The following SLC38A7 variants were observed in gnomAD, a reference collection of about 807,000 sequenced individuals.
The protein encoded by SLC38A7 is sodium-coupled neutral amino acid transporter 7.
A neutral mutation model predicts 50.1 loss-of-function variants in SLC38A7; 29 were observed. The ratio of observed to expected loss-of-function variants is 0.58; its 90% CI spans 0.43 to 0.79. The LOEUF (loss-of-function observed/expected upper bound fraction) is 0.79. Among genes scored for constraint, SLC38A7 ranks in the 30% least tolerant of loss-of-function variants. The pLI is 0.00. For missense variants in SLC38A7, 483 were observed against 610.6 expected, an observed-to-expected ratio of 0.79 and a Z score of 2.20; for synonymous variants, 244 against 245.9, an observed-to-expected ratio of 0.99 and a Z score of 0.07.
chr16:58,679,965 A>G lies in SLC38A7; in HGVS notation c.162T>C (p.Leu54=). ...CGTTGACGACGATGAAGATGGCCCC[A>G]AGTGTGGAAGTGGTGCCTCTGTCCA... ...GGLDRGTTST[L]GAIFIVVNAC... The change falls in exon 3 of 12, where the codon CTT becomes CTC. Residue 54 remains leucine (L), a synonymous_variant. Transcript: ENST00000219320. 1 of 1,612,002 alleles carries G rather than the reference A, an allele frequency of 6.2e-7. No individual in the cohort carries two copies. Among genetic ancestry groups the G allele is most frequent in the Non-Finnish European group, 8.5e-7 (1 of 1,178,788 alleles).
intron 3 of SLC38A7, among the ~76,000 whole-genome samples, chr16:58,679,120 G>A (rs989845410): frequency 1.3e-5 from 2 of 152,304 alleles, no homozygotes; most frequent in South Asian, 2.1e-4. Flanking sequence ...GGCTGGATGC[G>A]ATGGCTCATG....
intron 2 of SLC38A7, chr16:58,683,528 C>G (rs1391708250): frequency 1.3e-5 from 2 of 152,282 alleles, no homozygotes; most frequent in African/African-American, 4.8e-5. Context: ...TCTTACACAT[C>G]CTGTCACCCA....
Position 58,670,580 on chromosome 16 carries a change from C to T in SLC38A7, c.1232-413G>A, listed in dbSNP as rs1440255229. On this transcript the variant is annotated intron_variant, in intron 10 of 11. Transcript: ENST00000219320. ...TGGCTGGGCAGACAGGACAGTTCTC[C>T]AGGGATCTGGCGGTAGATCTGTGTC... Among the ~76,000 whole-genome samples, 3 of 152,322 alleles carry T rather than the reference C, an allele frequency of 2.0e-5. No individual in the cohort carries two copies. The East Asian group carries it at 5.8e-4, about 29-fold the overall frequency.
At chr16:58,680,611 G>A (rs1178602583) in intron 2 of SLC38A7, among the ~76,000 whole-genome samples, 1 of 152,204 alleles carries the variant, frequency 6.6e-6, no homozygotes, top group African/African-American at 2.4e-5. Flanking sequence ...CTGACCCAGG[G>A]TCATATATTA....
chr16:58,667,578 T>A, intron 11 of SLC38A7, 91 bp from the exon 12 acceptor site: 1 of 987,308 alleles, frequency 1.0e-6, no homozygotes, highest in Non-Finnish European at 1.5e-6. Context: ...ACTGTAATTA[T>A]CGCACTTCTC....
Position 58,679,867 on chromosome 16 carries a change from G to A in SLC38A7, c.260C>T (p.Ala87Val), listed in dbSNP as rs761503670. The A allele has an allele frequency of 2.9e-5, 47 of 1,613,692 alleles. No homozygotes were observed. Among genetic ancestry groups the A allele is most frequent in the Non-Finnish European group, 3.8e-5 (45 of 1,180,022 alleles). The change falls in exon 3 of 12, where the codon GCA (alanine) becomes GTA (valine). Residue 87 changes from alanine to valine, a missense_variant. Physicochemically the swap from Ala to Val is moderately conservative, Grantham distance 64. Transcript: ENST00000219320. ...STAGGVAAGIALQMGMLVFII... is the reference protein window; with the variant it reads ...STAGGVAAGIVLQMGMLVFII... ...GGCCAGTGCACTCACCATCTGCAGT[G>A]CGATGCCTGCTGCCACGCCCCCCGC...
chr16:58,667,721 C>T (rs973327893), intron 11 of SLC38A7, among the ~76,000 whole-genome samples: 3 of 151,872 alleles, frequency 2.0e-5, no homozygotes, highest in African/African-American at 7.3e-5. Context: ...CATCATGCCA[C>T]GATTCGAATG....
chr16:58,681,039 A>T (rs8058151), intron 2 of SLC38A7, among the ~76,000 whole-genome samples: 14,448 of 152,154 alleles, frequency 0.095, 762 homozygotes, highest in Non-Finnish European at 0.12. Flanking sequence ...CTAGCATCTC[A>T]CTGGCCACTA....
intron 8 of SLC38A7, chr16:58,675,346 GA>G (rs58028000): frequency 0.13 from 41,278 of 319,188 alleles, 226 homozygotes; most frequent in South Asian, 0.17. Context: ...GTCTCTGCTA[GA>G]AAAAAAAAAA....
rs150914558 is a variant in SLC38A7, at chr16:58,678,721, G to T, written c.444C>A (p.Ile148=). The change falls in exon 4 of 12, where the codon ATC becomes ATA. Residue 148 remains isoleucine (I), a synonymous_variant. Coordinates refer to ENST00000219320, the MANE Select transcript of SLC38A7 (RefSeq NM_018231.3). This position sits in a 1 kb window ranked among gnomAD's most constrained non-coding sequence, Gnocchi z 4.0. ...TCTTGTCCTGCTGGTCGCCAATGAT[G>T]ATTAGGAAGGCAATGCAGGTGCCAA... ...YTFGTCIAFL[I]IIGDQQDKII... The T allele has an allele frequency of 2.5e-6, 4 of 1,613,992 alleles. No individual in the cohort carries two copies. The African/African-American group carries it at 5.3e-5, about 22-fold the overall frequency.
At chr16:58,669,974 C>CAAAAA in intron 11 of SLC38A7, 139 bp downstream of exon 11, 1 of 591,564 alleles carries the variant, frequency 1.7e-6, no homozygotes. Flanking sequence ...GACTCCGGCT[C>CAAAAA]AAAAAAAAAA....
intron 7 of SLC38A7, 38 bp downstream of exon 7, chr16:58,676,251 T>C: frequency 6.2e-7 from 1 of 1,613,954 alleles, no homozygotes; most frequent in Non-Finnish European, 8.5e-7. Flanking sequence ...TGGGGTGATC[T>C]AAGGGGACAG....
chr16:58,671,587 G>T (rs1263481148), intron 9 of SLC38A7: 4 of 348,638 alleles, frequency 1.1e-5, no homozygotes, highest in Non-Finnish European at 2.1e-5. Flanking sequence ...TTTGAGACAG[G>T]GTCTGGCTCT....
chr16:58,669,976 A>C (rs2044127883), intron 11 of SLC38A7, 137 bp downstream of exon 11: 1 of 437,536 alleles, frequency 2.3e-6, no homozygotes, highest in Non-Finnish European at 3.5e-6. Context: ...CTCCGGCTCA[A>C]AAAAAAAAAA....
intron 11 of SLC38A7, among the ~76,000 whole-genome samples, chr16:58,669,670 TA>T (rs146027322): frequency 6.1e-5 from 9 of 147,656 alleles, no homozygotes; most frequent in African/African-American, 1.2e-4. Flanking sequence ...TTAAAAGTAT[TA>T]AAAAAAAAAC....
At position 58,672,179 on chromosome 16, in the gene SLC38A7, C is replaced by A; in HGVS notation, c.948G>T (p.Ser316=). 6.4e-7 allele frequency: 1 copy of A among 1,572,062 alleles called. No individual in the cohort carries two copies. The highest frequency in any genetic ancestry group is 8.6e-7 in the Non-Finnish European group (1 of 1,158,778). ...VDPDVLLSYP[S]EDMAVAVARA... is the part of the protein sequence containing the mutation. ...GGGCAACGGCCACGGCCATGTCCTCCGAGGGATAGGACAGGAGCACGTCAG... is the reference window on the plus strand; with the variant it reads ...GGGCAACGGCCACGGCCATGTCCTCAGAGGGATAGGACAGGAGCACGTCAG... Residue 316 remains serine, a synonymous_variant, in exon 9 of 12, where the codon TCG becomes TCT. Coordinates refer to ENST00000219320, the MANE Select transcript of SLC38A7 (RefSeq NM_018231.3).
At chr16:58,679,697 C>A (rs1364238580) in intron 3 of SLC38A7, 160 bp downstream of exon 3, 1 of 936,574 alleles carries the variant, frequency 1.1e-6, no homozygotes, top group Admixed American at 2.9e-5. Flanking sequence ...ATTTGGGTCA[C>A]AGGAAAGAAT....
intron 8 of SLC38A7, among the ~76,000 whole-genome samples, chr16:58,674,919 C>A (rs182689350): frequency 6.6e-6 from 1 of 152,206 alleles, no homozygotes; most frequent in East Asian, 1.9e-4. Flanking sequence ...CGAACCACCC[C>A]CCTGCTTAAA....
At chr16:58,670,692 T>C (rs570624999) in intron 10 of SLC38A7, among the ~76,000 whole-genome samples, 1 of 152,216 alleles carries the variant, frequency 6.6e-6, no homozygotes, top group Non-Finnish European at 1.5e-5. Flanking sequence ...ACCAGCCAGA[T>C]AGATCCCTCA....
Sources: gnomAD v4.1 joint callset for allele counts (sites outside exome capture counted in the v4.1 genomes callset) on GRCh38, gnomAD v4.1.1 for gene constraint, Gnocchi (gnomAD v3.1) non-coding constraint, MANE v1.5 for transcripts, NCBI Gene and HGNC (gene_info 2026-07-23, HGNC 2026-07-21) for gene names.